CAPNS1: variants seen among roughly 807,000 people sequenced by gnomAD.
CAPNS1 encodes CANP small subunit.
Under a neutral mutation model 39.2 loss-of-function variants are expected in CAPNS1, and 32 were observed. That is an observed-to-expected ratio of 0.82 (90% CI 0.62 to 1.10). The LOEUF is 1.10. Ranked by LOEUF, CAPNS1 falls within the 50% of genes least tolerant of loss-of-function variation. The pLI, the probability that CAPNS1 is intolerant of heterozygous loss-of-function variation, is 0.00. For synonymous variants in CAPNS1, 153 were observed against 136.2 expected, an observed-to-expected ratio of 1.12 and a Z score of -0.86; for missense variants, 353 against 373.1, an observed-to-expected ratio of 0.95 and a Z score of 0.44.
In CAPNS1 at chr19:36,142,624, C is replaced by G. The variant is rs750134961; in HGVS notation, c.244-28C>G. 6 of 1,605,030 alleles carry G rather than the reference C, an allele frequency of 3.7e-6. No homozygotes were observed. In the East Asian group the frequency reaches 1.3e-4, roughly 36 times the overall value. On this transcript the variant is annotated intron_variant, in intron 3 of 10. Coordinates refer to ENST00000246533, the MANE Select transcript of CAPNS1 (RefSeq NM_001749.4). ...GCCGTCCTGGCCGGGTTCCCCTCCC[C>G]CTGCTCTGAGCTCTCCTCCCTTTGC...
In CAPNS1 at chr19:36,146,178, G is replaced by A. The variant is rs1313520997; in HGVS notation, c.605-18G>A. The A allele has an allele frequency of 6.3e-7, 1 of 1,597,002 alleles. No homozygotes were observed. The highest frequency in any genetic ancestry group is 8.6e-7 in the Non-Finnish European group (1 of 1,164,432). On this transcript the variant is annotated intron_variant, in intron 8 of 10. Coordinates refer to ENST00000246533, the MANE Select transcript of CAPNS1 (RefSeq NM_001749.4). ...GGGCCATGTGGCCCCCGCACCTGAAGGACTACATCCATCTTAGGGTTCCAC... is the reference window on the plus strand; with the variant it reads ...GGGCCATGTGGCCCCCGCACCTGAAAGACTACATCCATCTTAGGGTTCCAC...
chr19:36,148,677 G>A (rs553614025), intron 9 of CAPNS1, among the ~76,000 whole-genome samples: 2 of 152,144 alleles, frequency 1.3e-5, no homozygotes, highest in Admixed American at 1.3e-4. Flanking sequence ...GCCAGGCGTG[G>A]TGGTGCACGC....
chr19:36,142,627 G>A lies in CAPNS1; in HGVS notation c.244-25G>A, dbSNP rs755984538. ...GTCCTGGCCGGGTTCCCCTCCCCCT[G>A]CTCTGAGCTCTCCTCCCTTTGCAGC... is the stretch of plus-strand genomic sequence containing the variant. On this transcript the variant is annotated intron_variant, in intron 3 of 10. Coordinates refer to ENST00000246533, the MANE Select transcript of CAPNS1 (RefSeq NM_001749.4). 3.7e-6 allele frequency: 6 copies of A among 1,607,156 alleles called. No homozygotes were observed. The Admixed American group carries it at 6.7e-5, about 18-fold the overall frequency.
chr19:36,140,925 G>A (rs1382122527), intron 1 of CAPNS1, 72 bp from the exon 2 acceptor site: 1 of 1,572,378 alleles, frequency 6.4e-7, no homozygotes, highest in African/African-American at 1.4e-5. Flanking sequence ...TCCAGCTGCC[G>A]GAAATGCGTG....
intron 9 of CAPNS1, chr19:36,148,292 C>A (rs1974645503): frequency 6.6e-6 from 1 of 151,282 alleles, no homozygotes; most frequent in Non-Finnish European, 1.5e-5. Context: ...CATTTGAGTC[C>A]AGGAGTTTGA....
intron 6 of CAPNS1, 149 bp from the exon 7 acceptor site, chr19:36,145,657 A>G (rs1327976214): frequency 4.9e-6 from 3 of 609,870 alleles, no homozygotes; most frequent in Non-Finnish European, 8.9e-6. Context: ...GAAAAATAAA[A>G]CCGCACACCA....
In CAPNS1 at chr19:36,146,167, C is replaced by A. The variant is rs771384528; in HGVS notation, c.605-29C>A. 4 of 1,586,234 alleles carry A rather than the reference C, an allele frequency of 2.5e-6. No homozygotes were observed. The Admixed American group carries it at 5.0e-5, about 20-fold the overall frequency. ...GGGAGTGGGTTGGGCCATGTGGCCC[C>A]CGCACCTGAAGGACTACATCCATCT... On this transcript the variant is annotated intron_variant, in intron 8 of 10. Coordinates refer to ENST00000246533, the MANE Select transcript of CAPNS1 (RefSeq NM_001749.4).
chr19:36,146,240 T>C lies in CAPNS1; in HGVS notation c.649T>C (p.Tyr217His). 1.2e-6 allele frequency: 2 copies of C among 1,613,786 alleles called. No individual in the cohort carries two copies. Among genetic ancestry groups the C allele is most frequent in the Middle Eastern group, 1.7e-4 (1 of 6,058 alleles). Residue 217 changes from tyrosine to histidine, a missense_variant, in exon 9 of 11, where the codon TAC becomes CAC. Coordinates refer to ENST00000246533, the MANE Select transcript of CAPNS1 (RefSeq NM_001749.4). Reference protein sequence around the residue: ...EHLYNMIIRRYSDESGNMDFD... With the variant: ...EHLYNMIIRRHSDESGNMDFD... ...TCTCTATAACATGATCATCCGACGC[T>C]ACTCAGATGAAAGTGGGAACATGGA...
At chr19:36,141,348 T>C in intron 2 of CAPNS1, 128 bp downstream of exon 2, 10 of 1,369,916 alleles carry the variant, frequency 7.3e-6, no homozygotes, top group Non-Finnish European at 9.4e-6. Context: ...GTACATGAAT[T>C]AGGCCGGGGA....
intron 5 of CAPNS1, 27 bp from the exon 6 acceptor site, chr19:36,143,037 C>T: frequency 1.9e-6 from 3 of 1,613,920 alleles, no homozygotes; most frequent in Non-Finnish European, 2.5e-6. Context: ...GACCTCTGGC[C>T]TCTGACTTTC....
intron 9 of CAPNS1, among the ~76,000 whole-genome samples, chr19:36,149,051 A>T (rs184294274): frequency 1.1e-4 from 17 of 152,224 alleles, no homozygotes; most frequent in Admixed American, 2.6e-4. Context: ...ACTGGAGAGG[A>T]TGGAGCATAG....
At position 36,150,004 on chromosome 19, in the gene CAPNS1, G is replaced by C. The variant is rs1267621221; in HGVS notation, c.*165G>C. On this transcript the variant is annotated 3_prime_UTR_variant, in exon 11 of 11. Transcript: ENST00000246533. ...GTTACCCAGCTTCTCAACATCCAGG[G>C]CCCAATTTGCCCTGCCTGGAGTTCC... 2 of 575,372 alleles carry C rather than the reference G, an allele frequency of 3.5e-6. No individual in the cohort carries two copies. The highest frequency in any genetic ancestry group is 5.4e-6 in the Non-Finnish European group (2 of 372,066). 35.6% of individuals were successfully genotyped at this position (575,372 alleles called of 1,614,324 possible).
In CAPNS1 at chr19:36,146,216, C is replaced by G. The variant is rs1974561508; in HGVS notation, c.625C>G (p.Leu209Val). ...CTTAGGGTTCCACCTGAATGAGCAT[C>G]TCTATAACATGATCATCCGACGCTA... ...EAAGFHLNEH[L>V]YNMIIRRYSD... Residue 209 changes from leucine (L) to valine (V), a missense_variant, in exon 9 of 11, where the codon CTC (leucine) becomes GTC (valine). Physicochemically the swap from Leu to Val is conservative, Grantham distance 32. Coordinates refer to ENST00000246533, the MANE Select transcript of CAPNS1 (RefSeq NM_001749.4). 4 of 1,613,088 alleles carry G rather than the reference C, an allele frequency of 2.5e-6. No individual in the cohort carries two copies. The highest frequency in any genetic ancestry group is 3.4e-6 in the Non-Finnish European group (4 of 1,179,036).
chr19:36,140,717 C>T (rs540344044), intron 1 of CAPNS1: 125 of 384,232 alleles, frequency 3.3e-4, no homozygotes, highest in African/African-American at 2.2e-3. Context: ...ACTTGGGGTC[C>T]CCACCAAGAG....
At chr19:36,141,260 G>A in intron 2 of CAPNS1, 40 bp downstream of exon 2, 8 of 1,496,166 alleles carry the variant, frequency 5.3e-6, no homozygotes, top group Non-Finnish European at 7.1e-6. Context: ...CCTGGGAATG[G>A]GAGGAGCCTC....
Position 36,145,981 on chromosome 19 carries a change from A to T in CAPNS1, c.531A>T (p.Ile177=). Residue 177 remains isoleucine (I), a synonymous_variant, in exon 8 of 11, where the codon ATA becomes ATT. Transcript: ENST00000246533. ...CAATGTCTCTGTCCTCACAGGCCAT[A>T]TACAAACAGTTCGACACTGACCGAT... ...LWNNIKRWQA[I]YKQFDTDRSG... is the part of the protein sequence containing the mutation. 1 of 1,614,238 alleles carries T rather than the reference A, an allele frequency of 6.2e-7. No homozygotes were observed. The highest frequency in any genetic ancestry group is 8.5e-7 in the Non-Finnish European group (1 of 1,180,028).
At chr19:36,147,332 G>A (rs1256603250) in intron 9 of CAPNS1, among the ~76,000 whole-genome samples, 2 of 152,220 alleles carry the variant, frequency 1.3e-5, no homozygotes, top group African/African-American at 2.4e-5. Context: ...AGTAAGAGAA[G>A]GTAGGAGCAG....
At chr19:36,142,477 G>C (rs944126526) in intron 3 of CAPNS1, 144 bp downstream of exon 3, 1 of 687,870 alleles carries the variant, frequency 1.5e-6, no homozygotes, top group Non-Finnish European at 2.6e-6. Flanking sequence ...CTGCAGCTTC[G>C]CCATGGGTCT....
At chr19:36,140,730 C>A in intron 1 of CAPNS1, 1 of 402,800 alleles carries the variant, frequency 2.5e-6, no homozygotes, top group Non-Finnish European at 4.4e-6. Context: ...ACCAAGAGAA[C>A]CCCCACCAGA....
Sources: allele counts gnomAD v4.1 joint callset (sites outside exome capture counted in the v4.1 genomes callset), GRCh38; gene constraint gnomAD v4.1.1; transcripts MANE v1.5; gene names NCBI Gene and HGNC (gene_info 2026-07-23, HGNC 2026-07-21).